Variants in NR2F1-AS1 observed in about 807,000 individuals in gnomAD.
NR2F1-AS1 encodes NR2F1 regulatory antisense RNA 1, also known as NR2F1 antisense RNA 1.
At chr5:93,532,026 C>G (rs1488033819) in intron 4 of NR2F1-AS1, among the ~76,000 whole-genome samples, 1 of 152,106 alleles carries the variant, frequency 6.6e-6, no homozygotes, top group African/African-American at 2.4e-5. Flanking sequence ...CTTCAACACA[C>G]ACAGTTAAAT....
chr5:93,567,673 C>T (rs1275176476), intron 1 of NR2F1-AS1, among the ~76,000 whole-genome samples: 2 of 152,118 alleles, frequency 1.3e-5, no homozygotes, highest in Admixed American at 1.3e-4. Flanking sequence ...GAAAAGAGCC[C>T]TGGGGGATAT....
intron 4 of NR2F1-AS1, among the ~76,000 whole-genome samples, chr5:93,427,982 G>A (rs145375442): frequency 2.0e-5 from 3 of 152,156 alleles, no homozygotes; most frequent in African/African-American, 7.2e-5. Flanking sequence ...GTGACTTCCA[G>A]CACTGTCTGC....
chr5:93,469,660 A>G (rs1268167430), intron 4 of NR2F1-AS1, among the ~76,000 whole-genome samples: 2 of 152,062 alleles, frequency 1.3e-5, no homozygotes, highest in African/African-American at 4.8e-5. Flanking sequence ...CCTTGCACAC[A>G]GTAAATACTC....
At chr5:93,435,053 T>C (rs1285826464) in intron 4 of NR2F1-AS1, among the ~76,000 whole-genome samples, 5 of 152,208 alleles carry the variant, frequency 3.3e-5, no homozygotes, top group Non-Finnish European at 7.3e-5. Context: ...AAAAGTAACT[T>C]ACGGGTAGAT....
At chr5:93,516,816 A>G (rs1340523931) in intron 4 of NR2F1-AS1, among the ~76,000 whole-genome samples, 1 of 152,000 alleles carries the variant, frequency 6.6e-6, no homozygotes, top group Non-Finnish European at 1.5e-5. Context: ...AGAAACTAGG[A>G]CAGAATAATC....
intron 4 of NR2F1-AS1, among the ~76,000 whole-genome samples, chr5:93,527,212 C>T (rs979317619): frequency 3.3e-5 from 5 of 151,602 alleles, no homozygotes; most frequent in African/African-American, 1.2e-4. Flanking sequence ...AATAGACAGA[C>T]AGAGCCAAAT....
intron 4 of NR2F1-AS1, among the ~76,000 whole-genome samples, chr5:93,450,132 T>C (rs1156357102): frequency 2.0e-5 from 3 of 152,216 alleles, no homozygotes; most frequent in African/African-American, 7.2e-5. Context: ...AAGTTAGAAA[T>C]GGATGACTTC....
At chr5:93,574,250 G>C (rs1752843906) in intron 1 of NR2F1-AS1, among the ~76,000 whole-genome samples, 1 of 152,214 alleles carries the variant, frequency 6.6e-6, no homozygotes, top group Admixed American at 6.5e-5. Context: ...GGCCCCCGGG[G>C]GAGGAGGCAC....
chr5:93,481,168 A>G (rs1451475015), intron 4 of NR2F1-AS1, among the ~76,000 whole-genome samples: 1 of 152,076 alleles, frequency 6.6e-6, no homozygotes, highest in Admixed American at 6.6e-5. Context: ...ATGAAAGGAT[A>G]GAAAAAAATA....
intron 4 of NR2F1-AS1, among the ~76,000 whole-genome samples, chr5:93,502,506 T>C (rs1267666710): frequency 3.9e-5 from 6 of 152,190 alleles, no homozygotes; most frequent in African/African-American, 1.4e-4. Flanking sequence ...GGTTTTAAGG[T>C]CCATCTGTCA....
chr5:93,572,145 C>A (rs936488349), intron 1 of NR2F1-AS1, among the ~76,000 whole-genome samples: 15 of 152,224 alleles, frequency 9.9e-5, no homozygotes, highest in Admixed American at 9.8e-4. Context: ...AATACAGCCA[C>A]GTGCTCGGGG....
intron 4 of NR2F1-AS1, among the ~76,000 whole-genome samples, chr5:93,547,524 T>C (rs1249490764): frequency 6.6e-6 from 1 of 152,172 alleles, no homozygotes; most frequent in African/African-American, 2.4e-5. Context: ...ATTTTACATA[T>C]TATCTATAAT....
chr5:93,582,566 T>C (rs1753128064), upstream of NR2F1-AS1, among the ~76,000 whole-genome samples: 1 of 152,230 alleles, frequency 6.6e-6, no homozygotes, highest in African/African-American at 2.4e-5. Flanking sequence ...ATCCAGTATA[T>C]TTCACAAATC....
chr5:93,460,273 G>C (rs1750060272), intron 4 of NR2F1-AS1, among the ~76,000 whole-genome samples: 1 of 152,164 alleles, frequency 6.6e-6, no homozygotes, highest in Non-Finnish European at 1.5e-5. Context: ...AGAAGAAATG[G>C]ATGGATAATA....
intron 4 of NR2F1-AS1, among the ~76,000 whole-genome samples, chr5:93,502,120 C>A (rs1751092563): frequency 6.6e-6 from 1 of 152,158 alleles, no homozygotes; most frequent in South Asian, 2.1e-4. Context: ...TGTTTTTCTA[C>A]TGCACATATA....
At chr5:93,464,626 G>T (rs998321579) in intron 4 of NR2F1-AS1, among the ~76,000 whole-genome samples, 3 of 152,246 alleles carry the variant, frequency 2.0e-5, no homozygotes, top group African/African-American at 7.2e-5. Context: ...TATTTTAGTA[G>T]GAATATTCAG....
intron 4 of NR2F1-AS1, among the ~76,000 whole-genome samples, chr5:93,524,316 GAA>G (rs1191253951): frequency 6.6e-6 from 1 of 151,960 alleles, no homozygotes; most frequent in Non-Finnish European, 1.5e-5. Flanking sequence ...AAAAAAGAAT[GAA>G]AAGGAATGAA....
At chr5:93,510,003 G>A (rs181635361) in intron 4 of NR2F1-AS1, among the ~76,000 whole-genome samples, 2 of 152,024 alleles carry the variant, frequency 1.3e-5, no homozygotes. Context: ...TAATTTATGT[G>A]ATGTTTTACA....
chr5:93,423,061 C>T (rs1412858469), intron 4 of NR2F1-AS1: 2 of 152,080 alleles, frequency 1.3e-5, no homozygotes, highest in Non-Finnish European at 2.9e-5. Context: ...TGTGTTTATA[C>T]TTGGACAGAA....
Sources: gnomAD v4.1 joint callset for allele counts (sites outside exome capture counted in the v4.1 genomes callset) on GRCh38, gnomAD v4.1.1 for gene constraint, MANE v1.5 for transcripts, NCBI Gene and HGNC (gene_info 2026-07-23, HGNC 2026-07-21) for gene names.